MMP23B: variants seen among roughly 807,000 people sequenced by gnomAD.
The protein encoded by MMP23B is matrix metallopeptidase 23B.
MMP23B carries 8 observed loss-of-function variants against 17.3 expected under a neutral mutation model. The observed-to-expected ratio is 0.46, with a 90% CI of 0.27 to 0.83. The LOEUF (loss-of-function observed/expected upper bound fraction) is 0.83, where lower values mean the gene tolerates loss of function less well. Ranked by LOEUF, MMP23B falls within the 40% of genes least tolerant of loss-of-function variation. The pLI is 0.14. For missense variants in MMP23B, 154 were observed against 246.2 expected, an observed-to-expected ratio of 0.63 and a Z score of 2.51; for synonymous variants, 86 against 116.5, an observed-to-expected ratio of 0.74 and a Z score of 1.69.
rs889726069 is a variant in MMP23B at position 1,632,352 on chromosome 1, T to A, written c.134T>A (p.Val45Glu). 4 of 1,384,654 alleles carry A rather than the reference T, an allele frequency of 2.9e-6. No individual in the cohort carries two copies. In the Admixed American group the frequency reaches 1.4e-4, roughly 49 times the overall value. The allele number at this position is 1,384,654 out of a possible 1,614,324, so 85.8% of individuals were successfully genotyped here. Reference sequence around the variant, plus strand: ...CTGGCCCGGCTGGGGGCCCCGGCGGTGCCGGCCTGGAGCGCAGCGCAGGTG... The same window carrying A: ...CTGGCCCGGCTGGGGGCCCCGGCGGAGCCGGCCTGGAGCGCAGCGCAGGTG... ...VLLARLGAPAVPAWSAAQGDV... is the reference protein window; with the variant it reads ...VLLARLGAPAEPAWSAAQGDV... The change falls in exon 1 of 8, where the codon GTG (valine) becomes GAG (glutamate). Residue 45 changes from valine (V) to glutamate (E), a missense_variant. Val to Glu is a moderately radical substitution (Grantham distance 121, BLOSUM62 -2). This residue lies in a region of MMP23B where 129 missense variants were observed against 83.5 expected (regional missense o/e 1.54). Transcript: ENST00000356026.
chr1:1,632,321 G>C lies in MMP23B; in HGVS notation c.103G>C (p.Val35Leu). 7.0e-7 allele frequency: 1 copy of C among 1,432,234 alleles called. No individual in the cohort carries two copies. Among genetic ancestry groups the C allele is most frequent in the Non-Finnish European group, 9.1e-7 (1 of 1,099,664 alleles). The allele number at this position is 1,432,234 out of a possible 1,614,324, so 88.7% of individuals were successfully genotyped here. ...LVALCLLPAL[V>L]LLARLGAPAV... ...CGCCCTGTGCCTCCTCCCCGCGCTGGTGCTGCTGGCCCGGCTGGGGGCCCC... is the reference window on the plus strand; with the variant it reads ...CGCCCTGTGCCTCCTCCCCGCGCTGCTGCTGCTGGCCCGGCTGGGGGCCCC... The change falls in exon 1 of 8, where the codon GTG (valine) becomes CTG (leucine). Residue 35 changes from valine to leucine, a missense_variant. Transcript: ENST00000356026.
rs1553155409 is a variant in MMP23B at position 1,634,415 on chromosome 1, G to GC, written c.999-36_999-35insC. 1.5e-5 allele frequency: 21 copies of GC among 1,377,598 alleles called. 2 individuals carry two copies. The African/African-American group carries it at 3.0e-4, about 20-fold the overall frequency. The allele number at this position is 1,377,598 out of a possible 1,614,324, so 85.3% of individuals were successfully genotyped here. ...GTGCGGGGCAGGCAGCCGGGGGGGG[G>GC]GCTGTGCCTGCAGGAGACGCCCCGC... On this transcript the variant is annotated intron_variant, in intron 7 of 7. Coordinates refer to ENST00000356026, the MANE Select transcript of MMP23B (RefSeq NM_006983.2).
intron 1 of MMP23B, 66 bp downstream of exon 1, chr1:1,632,440 T>C: frequency 2.4e-6 from 3 of 1,260,658 alleles, no homozygotes; most frequent in South Asian, 1.6e-5. Context: ...GTCTGGTCTA[T>C]CGGGGGGCCC....
At position 1,632,335 on chromosome 1, in the gene MMP23B, G is replaced by T; in HGVS notation, c.117G>T (p.Arg39=). The change falls in exon 1 of 8, where the codon CGG becomes CGT. Residue 39 remains arginine, a synonymous_variant. Transcript: ENST00000356026. ...CLLPALVLLA[R]LGAPAVPAWS... ...TCCCCGCGCTGGTGCTGCTGGCCCG[G>T]CTGGGGGCCCCGGCGGTGCCGGCCT... is the stretch of plus-strand genomic sequence containing the variant. 7.1e-7 allele frequency: 1 copy of T among 1,415,020 alleles called. No homozygotes were observed. Among genetic ancestry groups the T allele is most frequent in the South Asian group, 1.5e-5 (1 of 65,984 alleles). 87.7% of individuals were successfully genotyped at this position (1,415,020 alleles called of 1,614,324 possible).
rs1025198862 is a variant in MMP23B, at chr1:1,632,572, G to T, written c.156+198G>T. ...GTGGGAGGCCTCGCCCTGCTGTTCA[G>T]CCCCTTCCCCTCCACTGGGCCGCGT... On this transcript the variant is annotated intron_variant, in intron 1 of 7. Transcript: ENST00000356026. The T allele has an allele frequency of 1.2e-5, 6 of 486,546 alleles. No individual in the cohort carries two copies. The African/African-American group carries it at 1.3e-4, about 10-fold the overall frequency. The allele number at this position is 486,546 out of a possible 1,614,324, so 30.1% of individuals were successfully genotyped here.
chr1:1,632,465 G>A, intron 1 of MMP23B, 91 bp downstream of exon 1: 1 of 1,081,348 alleles, frequency 9.2e-7, no homozygotes, highest in Non-Finnish European at 1.3e-6. Context: ...GACGTGTGCG[G>A]GGTGTGCGGG....
chr1:1,632,669 C>G (rs1378398240), intron 1 of MMP23B, 114 bp from the exon 2 acceptor site: 1 of 327,880 alleles, frequency 3.0e-6, no homozygotes, highest in East Asian at 6.8e-5. Flanking sequence ...CCGCCACGCC[C>G]GCTCCCAGCC....
In MMP23B at chr1:1,634,367, C is replaced by T; in HGVS notation, c.998+39C>T. The T allele has an allele frequency of 2.5e-6, 3 of 1,214,880 alleles. 1 individual carries two copies. Among genetic ancestry groups the T allele is most frequent in the Non-Finnish European group, 3.4e-6 (3 of 885,556 alleles). The allele number at this position is 1,214,880 out of a possible 1,614,324, so 75.3% of individuals were successfully genotyped here. A position where few individuals can be genotyped will look rare whatever the true frequency, so the allele number is the denominator to read the frequency against. Reference sequence around the variant, plus strand: ...CCGGGCGGTCCTCGGGGTGGGCAGCCCGCGGGCGGCCTTGGGGCAGGGGTG... The same window carrying T: ...CCGGGCGGTCCTCGGGGTGGGCAGCTCGCGGGCGGCCTTGGGGCAGGGGTG... On this transcript the variant is annotated intron_variant, in intron 7 of 7. Coordinates refer to ENST00000356026, the MANE Select transcript of MMP23B (RefSeq NM_006983.2).
chr1:1,632,395 C>T, intron 1 of MMP23B, 21 bp downstream of exon 1: 2 of 1,379,354 alleles, frequency 1.4e-6, no homozygotes, highest in Non-Finnish European at 1.9e-6. Flanking sequence ...GGGGGGAGGC[C>T]AGGTGCCGGG....
Position 1,632,350 on chromosome 1 carries a change from G to A in MMP23B, c.132G>A (p.Ala44=), listed in dbSNP as rs986696960. The change falls in exon 1 of 8, where the codon GCG becomes GCA. Residue 44 remains alanine, a synonymous_variant. Coordinates refer to ENST00000356026, the MANE Select transcript of MMP23B (RefSeq NM_006983.2). The part of the protein sequence containing the change: ...LVLLARLGAP[A]VPAWSAAQGD... The stretch of plus-strand genomic sequence containing the variant: ...TGCTGGCCCGGCTGGGGGCCCCGGC[G>A]GTGCCGGCCTGGAGCGCAGCGCAGG... 2.2e-6 allele frequency: 3 copies of A among 1,388,324 alleles called. No homozygotes were observed. Among genetic ancestry groups the A allele is most frequent in the Non-Finnish European group, 1.8e-6 (2 of 1,081,848 alleles). 86.0% of individuals were successfully genotyped at this position (1,388,324 alleles called of 1,614,324 possible).
chr1:1,632,408 G>T, intron 1 of MMP23B, 34 bp downstream of exon 1: 8 of 1,361,790 alleles, frequency 5.9e-6, no homozygotes, highest in Middle Eastern at 2.7e-4. Context: ...GTGCCGGGTT[G>T]GGGGGGTCCT....
chr1:1,632,437 C>A, intron 1 of MMP23B, 63 bp downstream of exon 1: 2 of 1,282,922 alleles, frequency 1.6e-6, no homozygotes, highest in South Asian at 1.6e-5. Context: ...TGGGTCTGGT[C>A]TATCGGGGGG....
intron 1 of MMP23B, 71 bp downstream of exon 1, chr1:1,632,445 G>A: frequency 8.0e-7 from 1 of 1,249,686 alleles, no homozygotes. Context: ...GTCTATCGGG[G>A]GGCCCGCAGG....
Position 1,632,264 on chromosome 1 carries a change from G to A in MMP23B, c.46G>A (p.Val16Ile), listed in dbSNP as rs564776074. ...RVPSEAPGAG[V>I]ERRWLGAALV... Reference sequence around the variant, plus strand: ...CCCCTCGGAGGCCCCGGGGGCAGGCGTCGAGCGCCGCTGGCTTGGAGCCGC... The same window carrying A: ...CCCCTCGGAGGCCCCGGGGGCAGGCATCGAGCGCCGCTGGCTTGGAGCCGC... Residue 16 changes from valine to isoleucine, a missense_variant, in exon 1 of 8, where the codon GTC becomes ATC. Physicochemically the swap from Val to Ile is conservative, Grantham distance 29 (BLOSUM62 3). Around this residue, in one of 4 missense-constraint regions of MMP23B, gnomAD observed 129 missense variants for 83.5 expected, o/e 1.54. Coordinates refer to ENST00000356026, the MANE Select transcript of MMP23B (RefSeq NM_006983.2). 4.8e-5 allele frequency: 66 copies of A among 1,375,522 alleles called. No individual in the cohort carries two copies. The highest frequency in any genetic ancestry group is 5.9e-5 in the Non-Finnish European group (63 of 1,070,684). 85.2% of individuals were successfully genotyped at this position (1,375,522 alleles called of 1,614,324 possible).
chr1:1,632,400 G>A lies in MMP23B; in HGVS notation c.156+26G>A, dbSNP rs905823605. On this transcript the variant is annotated intron_variant, in intron 1 of 7. Coordinates refer to ENST00000356026, the MANE Select transcript of MMP23B (RefSeq NM_006983.2). ...GTGAGCGGCGGGGGGGAGGCCAGGT[G>A]CCGGGTTGGGGGGGTCCTCACGTCT... 16 of 1,372,040 alleles carry A rather than the reference G, an allele frequency of 1.2e-5. No individual in the cohort carries two copies. The African/African-American group carries it at 2.1e-4, about 18-fold the overall frequency. The allele number at this position is 1,372,040 out of a possible 1,614,324, so 85.0% of individuals were successfully genotyped here.
chr1:1,632,192 A>G lies in MMP23B; in HGVS notation c.-27A>G. The G allele has an allele frequency of 7.9e-7, 1 of 1,269,270 alleles. No homozygotes were observed. The highest frequency in any genetic ancestry group is 9.9e-7 in the Non-Finnish European group (1 of 1,011,716). 78.6% of individuals were successfully genotyped at this position (1,269,270 alleles called of 1,614,324 possible). ...GCCCCCGCGCCTTGCTGCCCCATGC[A>G]GCCCTGAGCCCCACAGCAAGTCTGC... On this transcript the variant is annotated 5_prime_UTR_variant, in exon 1 of 8. Transcript: ENST00000356026.
Position 1,632,253 on chromosome 1 carries a change from C to CG in MMP23B, c.40dup (p.Ala14GlyfsTer352). 1.5e-6 allele frequency: 2 copies of CG among 1,355,116 alleles called. No individual in the cohort carries two copies. Among genetic ancestry groups the CG allele is most frequent in the Non-Finnish European group, 1.9e-6 (2 of 1,061,156 alleles). The allele number at this position is 1,355,116 out of a possible 1,614,324, so 83.9% of individuals were successfully genotyped here. On this transcript the variant is annotated frameshift_variant, in exon 1 of 8. Transcript: ENST00000356026. LOFTEE classifies it high-confidence loss of function. ...GGGGCCCGTGTCCCCTCGGAGGCCC[C>CG]GGGGGCAGGCGTCGAGCGCCGCTGG...
At position 1,632,337 on chromosome 1, in the gene MMP23B, TG is replaced by T; in HGVS notation, c.124del (p.Ala42ProfsTer40). ...LLPALVLLARLGAPAVPAWSA... is the reference protein window; with the variant it reads ...LLPALVLLARXGAPAVPAWSA... Reference sequence around the variant, plus strand: ...CCCGCGCTGGTGCTGCTGGCCCGGCTGGGGGCCCCGGCGGTGCCGGCCTGGA... The same window carrying T: ...CCCGCGCTGGTGCTGCTGGCCCGGCTGGGGCCCCGGCGGTGCCGGCCTGGA... On this transcript the variant is annotated frameshift_variant, in exon 1 of 8. Transcript: ENST00000356026. LOFTEE classifies it high-confidence loss of function. 9 of 1,410,096 alleles carry T rather than the reference TG, an allele frequency of 6.4e-6. No homozygotes were observed. The highest frequency in any genetic ancestry group is 3.0e-5 in the East Asian group (1 of 33,008). The allele number at this position is 1,410,096 out of a possible 1,614,324, so 87.3% of individuals were successfully genotyped here. A position where few individuals can be genotyped will look rare whatever the true frequency, so the allele number is the denominator to read the frequency against.
rs1275240894 is a variant in MMP23B at position 1,632,821 on chromosome 1, C to T, written c.195C>T (p.Pro65=). The T allele has an allele frequency of 1.1e-4, 22 of 194,602 alleles. No homozygotes were observed. In the African/African-American group the frequency reaches 2.4e-3, roughly 21 times the overall value. The allele number at this position is 194,602 out of a possible 1,614,324, so 12.1% of individuals were successfully genotyped here. A position where few individuals can be genotyped will look rare whatever the true frequency, so the allele number is the denominator to read the frequency against. The part of the protein sequence containing the change: ...VAALGLSAVP[P]TRVPGPLAPR... ...CGCTGGGCCTCTCGGCGGTCCCCCC[C>T]ACCCGGGTCCCGGGCCCACTGGCCC... Residue 65 remains proline, a synonymous_variant, in exon 2 of 8, where the codon CCC becomes CCT. Transcript: ENST00000356026.
Sources: allele counts gnomAD v4.1 joint callset, GRCh38; gene constraint gnomAD v4.1.1; regional missense constraint gnomAD v4.1.1; transcripts MANE v1.5; gene names NCBI Gene and HGNC (gene_info 2026-07-23, HGNC 2026-07-21).